The following GLIPR1L2 variants were observed in gnomAD, a reference collection of about 807,000 sequenced individuals.
GLIPR1L2 encodes GLIPR1 like 2, also known as GLIPR1-like protein 2.
In GLIPR1L2, 21 loss-of-function variants were observed where a neutral mutation model predicts 28.4. That is an observed-to-expected ratio of 0.74 (90% CI 0.52 to 1.06). GLIPR1L2 has a LOEUF of 1.06. Ranked by LOEUF, GLIPR1L2 falls within the 50% of genes least tolerant of loss-of-function variation. GLIPR1L2 has a pLI of 0.00. For missense variants in GLIPR1L2, 476 were observed against 416.9 expected (o/e 1.14, Z -1.23); for synonymous variants, 145 against 139.3 (o/e 1.04, Z -0.29).
intron 1 of GLIPR1L2, among the ~76,000 whole-genome samples, chr12:75,395,455 T>C (rs1454375465): frequency 1.3e-5 from 2 of 151,930 alleles, no homozygotes; most frequent in Admixed American, 6.6e-5. Flanking sequence ...GCTGGCTTCA[T>C]AGAATGAGTT....
chr12:75,398,653 G>A (rs556584119), intron 1 of GLIPR1L2, among the ~76,000 whole-genome samples: 125 of 152,172 alleles, frequency 8.2e-4, no homozygotes, highest in Non-Finnish European at 1.4e-3. Flanking sequence ...CTCCTCTCAT[G>A]TACCAGATAA....
intron 4 of GLIPR1L2, among the ~76,000 whole-genome samples, chr12:75,428,716 C>T (rs1275417237): frequency 6.6e-6 from 1 of 152,182 alleles, no homozygotes; most frequent in South Asian, 2.1e-4. Flanking sequence ...CAGGCCCAGT[C>T]CCCGCTGCTC....
In GLIPR1L2 at chr12:75,432,659, TA is replaced by T. The variant is rs2046102142; in HGVS notation, c.*1499del. On this transcript the variant is annotated 3_prime_UTR_variant, in exon 6 of 6. Coordinates refer to ENST00000550916, the MANE Select transcript of GLIPR1L2 (RefSeq NM_001270396.2). ...TCGAAGTAGGGCAAGATGAGAATTATATTAAAAAGCCCTGAGCTATCCTCTT... is the reference window on the plus strand; with the variant it reads ...TCGAAGTAGGGCAAGATGAGAATTATTTAAAAAGCCCTGAGCTATCCTCTT... 6.6e-6 allele frequency: 1 copy of T among 152,150 alleles called. No homozygotes were observed. Among genetic ancestry groups the T allele is most frequent in the African/African-American group, 2.4e-5 (1 of 41,452 alleles). The allele number at this position is 152,150 out of a possible 1,614,324, so 9.4% of individuals were successfully genotyped here.
chr12:75,426,800 C>T (rs2046038786), intron 4 of GLIPR1L2, among the ~76,000 whole-genome samples: 1 of 152,094 alleles, frequency 6.6e-6, no homozygotes, highest in Non-Finnish European at 1.5e-5. Context: ...AAGTGTCAAC[C>T]AAGAATTTAT....
Position 75,422,932 on chromosome 12 carries a change from C to T in GLIPR1L2, c.613C>T (p.Pro205Ser), listed in dbSNP as rs1265846539. The T allele has an allele frequency of 3.7e-6, 6 of 1,610,356 alleles. No homozygotes were observed. In the South Asian group the frequency reaches 4.4e-5, roughly 12 times the overall value. Residue 205 changes from proline to serine, a missense_variant, in exon 4 of 6, where the codon CCA becomes TCA. By Grantham distance (74) the Pro-to-Ser change is moderately conservative. Coordinates refer to ENST00000550916, the MANE Select transcript of GLIPR1L2 (RefSeq NM_001270396.2). ...GGTLTRRPYEPGIFCTRCGRR... is the reference protein window; with the variant it reads ...GGTLTRRPYESGIFCTRCGRR... ...AACACTGACGAGAAGACCTTATGAA[C>T]CAGGAATATTTTGTACTCGATGTGG...
At chr12:75,430,666 CAAAG>C (rs2046082014) in intron 4 of GLIPR1L2, 45 bp from the exon 5 acceptor site, 11 of 1,480,446 alleles carry the variant, frequency 7.4e-6, no homozygotes, top group South Asian at 1.3e-5. Context: ...ATTTTTTAGA[CAAAG>C]AAGAAATTTT....
intron 1 of GLIPR1L2, among the ~76,000 whole-genome samples, chr12:75,396,718 T>TC (rs1205902928): frequency 6.6e-6 from 1 of 152,190 alleles, no homozygotes; most frequent in Non-Finnish European, 1.5e-5. Context: ...TCAGGACCTA[T>TC]CCCAGACTTA....
At position 75,410,148 on chromosome 12, in the gene GLIPR1L2, T is replaced by C. The variant is rs538351951; in HGVS notation, c.235-286T>C. Among the ~76,000 whole-genome samples, 34 of 151,900 alleles carry C rather than the reference T, an allele frequency of 2.2e-4. No individual in the cohort carries two copies. In the East Asian group the frequency reaches 6.0e-3, roughly 27 times the overall value. On this transcript the variant is annotated intron_variant, in intron 1 of 5. Transcript: ENST00000550916. ...ACTCTGAGCAGACTATAGGTAAGTG[T>C]ATTACATACTTCTGAACAGACTACA...
chr12:75,399,632 G>T (rs1316125629), intron 1 of GLIPR1L2, among the ~76,000 whole-genome samples: 1 of 151,986 alleles, frequency 6.6e-6, no homozygotes, highest in African/African-American at 2.4e-5. Flanking sequence ...TTTGGGAAAT[G>T]AGCCCTTCGT....
At chr12:75,409,837 G>A (rs1025124143) in intron 1 of GLIPR1L2, among the ~76,000 whole-genome samples, 26 of 144,128 alleles carry the variant, frequency 1.8e-4, no homozygotes, top group African/African-American at 6.6e-4. Flanking sequence ...TATCTAATCC[G>A]ATATATATAT....
intron 1 of GLIPR1L2, chr12:75,402,936 G>A: frequency 2.2e-6 from 1 of 453,536 alleles, no homozygotes; most frequent in Non-Finnish European, 4.4e-6. Flanking sequence ...TAACATGATA[G>A]TCTTGCCACC....
intron 1 of GLIPR1L2, among the ~76,000 whole-genome samples, chr12:75,393,097 C>T (rs1053830638): frequency 6.6e-6 from 1 of 151,872 alleles, no homozygotes; most frequent in Non-Finnish European, 1.5e-5. Context: ...CTGTAAACTC[C>T]ACCCAAATAT....
At chr12:75,430,788 A>G (rs1374721830) in intron 5 of GLIPR1L2, 36 bp from the exon 6 acceptor site, 7 of 1,532,812 alleles carry the variant, frequency 4.6e-6, no homozygotes, top group Non-Finnish European at 6.1e-6. Flanking sequence ...ACTGCTTTAT[A>G]TGAAATCCAG....
intron 1 of GLIPR1L2, among the ~76,000 whole-genome samples, chr12:75,402,653 AC>A (rs2045755076): frequency 6.6e-6 from 1 of 152,138 alleles, no homozygotes; most frequent in African/African-American, 2.4e-5. Flanking sequence ...TCTTGAATAG[AC>A]CTTGACCTTG....
chr12:75,415,689 T>C (rs1217506687), intron 3 of GLIPR1L2, among the ~76,000 whole-genome samples: 3 of 152,110 alleles, frequency 2.0e-5, no homozygotes, highest in Non-Finnish European at 2.9e-5. Context: ...ATGGGACTCT[T>C]GTCCTTGTTT....
intron 1 of GLIPR1L2, among the ~76,000 whole-genome samples, chr12:75,406,343 G>C (rs924090637): frequency 2.6e-5 from 4 of 151,994 alleles, no homozygotes; most frequent in African/African-American, 9.7e-5. Context: ...AACTGAACTT[G>C]AAATTTCCCA....
intron 3 of GLIPR1L2, among the ~76,000 whole-genome samples, chr12:75,420,457 C>T (rs925318385): frequency 2.0e-5 from 3 of 152,162 alleles, no homozygotes; most frequent in Admixed American, 6.6e-5. Flanking sequence ...GGTAACATGT[C>T]CTTATCTAGG....
At chr12:75,408,843 A>T (rs1238113284) in intron 1 of GLIPR1L2, among the ~76,000 whole-genome samples, 2 of 152,186 alleles carry the variant, frequency 1.3e-5, no homozygotes, top group East Asian at 3.9e-4. Flanking sequence ...TTATAGTTAA[A>T]TGTGTGTATA....
At chr12:75,427,474 A>G (rs1377021706) in intron 4 of GLIPR1L2, among the ~76,000 whole-genome samples, 2 of 152,334 alleles carry the variant, frequency 1.3e-5, no homozygotes, top group East Asian at 3.9e-4. Context: ...AGGTCAGTTC[A>G]TCTCCAAGGT....
Sources: gnomAD v4.1 joint callset for allele counts (sites outside exome capture counted in the v4.1 genomes callset) on GRCh38, gnomAD v4.1.1 for gene constraint, MANE v1.5 for transcripts, NCBI Gene and HGNC (gene_info 2026-07-23, HGNC 2026-07-21) for gene names.